C1orf54: variants seen among roughly 807,000 people sequenced by gnomAD.
C1orf54 encodes the protein uncharacterized protein C1orf54.
C1orf54 carries 12 observed loss-of-function variants against 14.7 expected under a neutral mutation model. That is an observed-to-expected ratio of 0.82 (90% CI 0.52 to 1.32). The LOEUF (loss-of-function observed/expected upper bound fraction) is 1.32. Among genes scored for constraint, C1orf54 ranks in the 40% most tolerant of loss-of-function variants. C1orf54 has a pLI of 0.00. For missense variants in C1orf54, 163 were observed against 162.2 expected (o/e 1.00, Z -0.03); for synonymous variants, 65 against 56.3 (o/e 1.16, Z -0.70).
chr1:150,280,394 G>T (rs1652991729), intron 5 of C1orf54, among the ~76,000 whole-genome samples: 1 of 152,194 alleles, frequency 6.6e-6, no homozygotes, highest in South Asian at 2.1e-4. Context: ...TGGGGTTGGG[G>T]GAATACTTCT....
At chr1:150,280,795 C>T in intron 5 of C1orf54, 40 bp from the exon 6 acceptor site, 1 of 1,522,926 alleles carries the variant, frequency 6.6e-7, no homozygotes, top group Non-Finnish European at 8.9e-7. Flanking sequence ...TCTCGGGTCT[C>T]CTGACTCCTT....
upstream of C1orf54, chr1:150,268,905 A>C (rs1572091531): frequency 3.7e-6 from 4 of 1,090,598 alleles, no homozygotes; most frequent in South Asian, 2.8e-5. Context: ...TGGCAACGCG[A>C]CCCCACGAGG....
Position 150,275,737 on chromosome 1 carries a change from G to A in C1orf54, c.131-4G>A. ...TTATTACTGATTTTCTTTCTCCTCTGCAGATGACTTTAGTGCAGATTTCAC... is the reference window on the plus strand; with the variant it reads ...TTATTACTGATTTTCTTTCTCCTCTACAGATGACTTTAGTGCAGATTTCAC... On this transcript the variant is annotated splice_polypyrimidine_tract_variant and splice_region_variant and intron_variant, in intron 2 of 5. Transcript: ENST00000369099. 1 of 1,607,892 alleles carries A rather than the reference G, an allele frequency of 6.2e-7. No homozygotes were observed. Among genetic ancestry groups the A allele is most frequent in the South Asian group, 1.1e-5 (1 of 90,662 alleles).
intron 1 of C1orf54, among the ~76,000 whole-genome samples, chr1:150,273,084 T>G (rs1425699940): frequency 6.6e-6 from 1 of 151,868 alleles, no homozygotes; most frequent in Non-Finnish European, 1.5e-5. Flanking sequence ...AGGATGGAGC[T>G]CCAGACACAA....
chr1:150,279,413 A>G (rs1553853049), intron 4 of C1orf54, among the ~76,000 whole-genome samples: 1 of 152,220 alleles, frequency 6.6e-6, no homozygotes, highest in East Asian at 1.9e-4. Flanking sequence ...CATAATAGAT[A>G]AAAAATAGAA....
chr1:150,274,201 C>T (rs1560041851), intron 2 of C1orf54, 31 bp downstream of exon 2: 1 of 1,473,762 alleles, frequency 6.8e-7, no homozygotes, highest in Middle Eastern at 1.7e-4. Context: ...TGCCCTTAGC[C>T]AACTGGAGAG....
At chr1:150,275,854 T>C in intron 3 of C1orf54, 55 bp downstream of exon 3, 1 of 1,503,576 alleles carries the variant, frequency 6.7e-7, no homozygotes, top group Non-Finnish European at 9.2e-7. Context: ...AAAAAGAAAC[T>C]GGCCGGGCGC....
At chr1:150,279,100 G>C (rs1391245699) in intron 4 of C1orf54, among the ~76,000 whole-genome samples, 1 of 152,176 alleles carries the variant, frequency 6.6e-6, no homozygotes, top group Non-Finnish European at 1.5e-5. Context: ...GCAAAACTGT[G>C]TCTCTACTAA....
At chr1:150,273,947 T>G in intron 1 of C1orf54, 140 bp from the exon 2 acceptor site, 2 of 642,036 alleles carry the variant, frequency 3.1e-6, no homozygotes, top group East Asian at 2.6e-5. Context: ...AAGAAAGGAG[T>G]ATGACTATTG....
upstream of C1orf54, chr1:150,269,477 A>G (rs1170253964): frequency 2.6e-5 from 4 of 152,548 alleles, no homozygotes; most frequent in Admixed American, 1.3e-4. Context: ...CGGACAGACT[A>G]GTATAATAAA....
chr1:150,268,805 C>G, upstream of C1orf54: 1 of 1,612,912 alleles, frequency 6.2e-7, no homozygotes, highest in South Asian at 1.1e-5. Flanking sequence ...ACACCGCAGC[C>G]CCCATGGCTG....
At chr1:150,273,500 C>A (rs782015416) in intron 1 of C1orf54, among the ~76,000 whole-genome samples, 2 of 152,296 alleles carry the variant, frequency 1.3e-5, no homozygotes, top group East Asian at 3.9e-4. Context: ...CCAGTCATAT[C>A]AAAGCCACAT....
chr1:150,272,091 G>A (rs1342524555), upstream of C1orf54, among the ~76,000 whole-genome samples: 1 of 151,982 alleles, frequency 6.6e-6, no homozygotes, highest in African/African-American at 2.4e-5. Context: ...AGTGAGCCGA[G>A]ATCGCGCCAC....
upstream of C1orf54, chr1:150,272,150 C>G (rs998110953): frequency 1.3e-5 from 2 of 148,254 alleles, no homozygotes; most frequent in African/African-American, 2.6e-5. Flanking sequence ...AAAAAAAAAA[C>G]AAAGAGGTGA....
chr1:150,275,356 A>C (rs1343255367), intron 2 of C1orf54, among the ~76,000 whole-genome samples: 2 of 148,586 alleles, frequency 1.3e-5, no homozygotes, highest in Non-Finnish European at 3.0e-5. Context: ...TTTTTTAATT[A>C]GCTGGGCATG....
At chr1:150,277,377 C>T (rs1469313325) in intron 4 of C1orf54, among the ~76,000 whole-genome samples, 1 of 151,704 alleles carries the variant, frequency 6.6e-6, no homozygotes, top group African/African-American at 2.4e-5. Context: ...GTGGTGCGTG[C>T]CTGTAATCCC....
upstream of C1orf54, chr1:150,269,251 T>A (rs1553850776): frequency 5.5e-6 from 1 of 182,816 alleles, no homozygotes; most frequent in East Asian, 1.5e-4. Flanking sequence ...GCTGTTTCCT[T>A]TCGTCACTTT....
chr1:150,276,431 G>A (rs1439836474), intron 3 of C1orf54, 91 bp from the exon 4 acceptor site: 2 of 999,912 alleles, frequency 2.0e-6, no homozygotes, highest in East Asian at 2.4e-5. Flanking sequence ...GGGTGGAGGT[G>A]GTGAAGGGGA....
chr1:150,275,669 C>G, intron 2 of C1orf54, 72 bp from the exon 3 acceptor site: 137 of 1,188,756 alleles, frequency 1.2e-4, no homozygotes, highest in Non-Finnish European at 1.5e-4. Context: ...TGAGTAATTT[C>G]TTCCCTTTTC....
Sources: gnomAD v4.1 joint callset for allele counts (sites outside exome capture counted in the v4.1 genomes callset) on GRCh38, gnomAD v4.1.1 for gene constraint, MANE v1.5 for transcripts, NCBI Gene and HGNC (gene_info 2026-07-23, HGNC 2026-07-21) for gene names.